TEDC1: variants seen among roughly 807,000 people sequenced by gnomAD.
TEDC1 encodes the protein tubulin epsilon and delta complex protein 1.
In TEDC1, 54 loss-of-function variants were observed where a neutral mutation model predicts 59.9. The ratio of observed to expected loss-of-function variants is 0.90; its 90% CI spans 0.72 to 1.13. The LOEUF (loss-of-function observed/expected upper bound fraction) is 1.13, where lower values mean the gene tolerates loss of function less well. Ranked by LOEUF, TEDC1 falls within the 50% of genes most tolerant of loss-of-function variation. The probability of loss-of-function intolerance (pLI) is 0.00; values close to 1 mark genes in which losing one functional copy is unlikely to be tolerated. For missense variants in TEDC1, 734 were observed against 683.4 expected (o/e 1.07, Z -0.83); for synonymous variants, 353 against 298.1 (o/e 1.18, Z -1.90).
At chr14:105,496,477 C>A in intron 6 of TEDC1, 1 of 220,068 alleles carries the variant, frequency 4.5e-6, no homozygotes, top group Non-Finnish European at 9.1e-6. Flanking sequence ...CAGCCCACTG[C>A]TGGAGCCCCA....
chr14:105,497,224 AG>A (rs1329196868), intron 6 of TEDC1, 132 bp from the exon 7 acceptor site: 6 of 860,950 alleles, frequency 7.0e-6, no homozygotes, highest in Admixed American at 4.4e-5. Flanking sequence ...GGGCGCAGGC[AG>A]GGGAGGGCTG....
At chr14:105,495,377 G>A (rs587691115) in intron 5 of TEDC1, 7 of 156,428 alleles carry the variant, frequency 4.5e-5, no homozygotes, top group Middle Eastern at 3.2e-3. Flanking sequence ...GGTCAGAGGC[G>A]GATGGCCTGG....
At chr14:105,491,814 C>G (rs900446074) in intron 2 of TEDC1, 114 bp downstream of exon 2, 1 of 1,239,526 alleles carries the variant, frequency 8.1e-7, no homozygotes, top group South Asian at 1.4e-5. Flanking sequence ...CCACCCAACA[C>G]TGACCCCGCT....
chr14:105,492,588 C>G lies in TEDC1; in HGVS notation c.439C>G (p.Leu147Val). The change falls in exon 4 of 9, where the codon CTG (leucine) becomes GTG (valine). Residue 147 changes from leucine to valine, a missense_variant. Physicochemically the swap from Leu to Val is conservative, Grantham distance 32. Coordinates refer to ENST00000392523, the MANE Select transcript of TEDC1 (RefSeq NM_001367178.1). ...CCTTGCCCCTCTCCAGTGTGAGGCC[C>G]TGGCCAGCCCTGGCCCACCTGCACC... ...DEMTVCQCEALASPGPPAPHM... is the reference protein window; with the variant it reads ...DEMTVCQCEAVASPGPPAPHM... 1.3e-6 allele frequency: 2 copies of G among 1,539,014 alleles called. No homozygotes were observed. The highest frequency in any genetic ancestry group is 1.4e-5 in the African/African-American group (1 of 73,138).
Position 105,497,814 on chromosome 14 carries a change from C to T in TEDC1, c.995C>T (p.Thr332Ile). The T allele has an allele frequency of 2.5e-6, 4 of 1,569,954 alleles. No individual in the cohort carries two copies. In the South Asian group the frequency reaches 3.5e-5, roughly 14 times the overall value. ...TCTCTGTAGGACACGGTCCTGGGCA[C>T]CTGTGCCCCGGAGGTGCCTGCTGCA... ...FWRWMDTVLG[T>I]CAPEVPAAAS... is the part of the protein sequence containing the mutation. Residue 332 changes from threonine to isoleucine, a missense_variant, in exon 8 of 9, where the codon ACC (threonine) becomes ATC (isoleucine). Coordinates refer to ENST00000392523, the MANE Select transcript of TEDC1 (RefSeq NM_001367178.1).
Position 105,491,660 on chromosome 14 carries a change from G to A in TEDC1, c.186G>A (p.Ser62=). Residue 62 remains serine (S), a synonymous_variant, in exon 2 of 9, where the codon TCG becomes TCA. Transcript: ENST00000392523. ...ALWQLLFRVL[S]PLPAGNALAS... ...GGCAGCTCCTCTTCCGTGTGCTCTC[G>A]CCACTCCCTGCGGGCAACGCCTTGG... 1 of 1,549,544 alleles carries A rather than the reference G, an allele frequency of 6.5e-7. No individual in the cohort carries two copies. Among genetic ancestry groups the A allele is most frequent in the Non-Finnish European group, 8.7e-7 (1 of 1,146,846 alleles).
rs587608317 is a variant in TEDC1, at chr14:105,498,362, C to T, written c.1159-255C>T. Among the ~76,000 whole-genome samples, 47 of 152,338 alleles carry T rather than the reference C, an allele frequency of 3.1e-4. No homozygotes were observed. The Middle Eastern group carries it at 0.01, about 33-fold the overall frequency. ...CCTCCACCCTAGACTCAGAGCTGCCCGCTTAACCTGCGCAGGTTCATGGCT... is the reference window on the plus strand; with the variant it reads ...CCTCCACCCTAGACTCAGAGCTGCCTGCTTAACCTGCGCAGGTTCATGGCT... On this transcript the variant is annotated intron_variant, in intron 8 of 8. Transcript: ENST00000392523.
chr14:105,492,423 T>C, intron 3 of TEDC1, 114 bp downstream of exon 3: 1 of 1,509,722 alleles, frequency 6.6e-7, no homozygotes, highest in Non-Finnish European at 8.9e-7. Flanking sequence ...GGCAGTCCCA[T>C]GAAGGGTTAC....
Position 105,495,786 on chromosome 14 carries a change from C to T in TEDC1, c.685-94C>T. The T allele has an allele frequency of 4.8e-6, 5 of 1,052,166 alleles. No homozygotes were observed. The South Asian group carries it at 8.1e-5, about 17-fold the overall frequency. The allele number at this position is 1,052,166 out of a possible 1,614,324, so 65.2% of individuals were successfully genotyped here. On this transcript the variant is annotated intron_variant, in intron 5 of 8. Coordinates refer to ENST00000392523, the MANE Select transcript of TEDC1 (RefSeq NM_001367178.1). Reference sequence around the variant, plus strand: ...CTGTGGGACCACCCTCTGTGGTGGGCTGGGGGGGCCTGGAAGTGAGGCCCC... The same window carrying T: ...CTGTGGGACCACCCTCTGTGGTGGGTTGGGGGGGCCTGGAAGTGAGGCCCC...
At chr14:105,491,773 C>T (rs1193245468) in intron 2 of TEDC1, 73 bp downstream of exon 2, 3 of 1,462,548 alleles carry the variant, frequency 2.1e-6, no homozygotes, top group Non-Finnish European at 2.8e-6. Flanking sequence ...CCGCCTTCCC[C>T]AGTAAGCCCC....
At chr14:105,497,288 C>T in intron 6 of TEDC1, 69 bp from the exon 7 acceptor site, 1 of 1,448,882 alleles carries the variant, frequency 6.9e-7, no homozygotes, top group East Asian at 2.5e-5. Flanking sequence ...CTGGGTCCAG[C>T]TGTCCATCCG....
chr14:105,494,166 C>G, intron 5 of TEDC1: 5 of 575,502 alleles, frequency 8.7e-6, no homozygotes, highest in Non-Finnish European at 1.6e-5. Flanking sequence ...AGACGTGGCA[C>G]GGGTGGGGGC....
At position 105,499,066 on chromosome 14, in the gene TEDC1, A is replaced by C. The variant is rs1039495690; in HGVS notation, c.*120A>C. On this transcript the variant is annotated 3_prime_UTR_variant, in exon 9 of 9. Coordinates refer to ENST00000392523, the MANE Select transcript of TEDC1 (RefSeq NM_001367178.1). ...ACGATGCAGATGCAGAGCCCACGTC[A>C]CATGCTCGCTCCAGGGGTGGGGCTG... The C allele has an allele frequency of 1.8e-6, 2 of 1,099,622 alleles. No homozygotes were observed. Among genetic ancestry groups the C allele is most frequent in the Non-Finnish European group, 1.3e-6 (1 of 787,732 alleles). 68.1% of individuals were successfully genotyped at this position (1,099,622 alleles called of 1,614,324 possible).
At chr14:105,497,304 C>A in intron 6 of TEDC1, 53 bp from the exon 7 acceptor site, 1 of 1,510,714 alleles carries the variant, frequency 6.6e-7, no homozygotes, top group South Asian at 1.2e-5. Context: ...ATCCGACTGT[C>A]TGTCCATGGG....
upstream of TEDC1, chr14:105,490,940 G>T: frequency 8.1e-7 from 1 of 1,233,274 alleles, no homozygotes; most frequent in Non-Finnish European, 1.2e-6. Flanking sequence ...TGACGATTGA[G>T]CCTGCAAGGG....
intron 5 of TEDC1, 23 bp downstream of exon 5, chr14:105,493,956 G>T (rs201083148): frequency 4.4e-6 from 4 of 899,486 alleles, no homozygotes; most frequent in South Asian, 1.5e-5. Context: ...AAGCTGCTGC[G>T]GGGGGGTGGG....
At chr14:105,495,703 C>T (rs181267488) in intron 5 of TEDC1, 177 bp from the exon 6 acceptor site, 1 of 609,758 alleles carries the variant, frequency 1.6e-6, no homozygotes, top group Admixed American at 3.1e-5. Context: ...CCCTGGGACC[C>T]CTGGGTTGGG....
chr14:105,492,722 C>T lies in TEDC1; in HGVS notation c.573C>T (p.Ala191=). ...TGTCCAGTCAGCAGGAGCAGTGCGCCCTCCTGAGCAAGGTAGAGCTGGCAC... is the reference window on the plus strand; with the variant it reads ...TGTCCAGTCAGCAGGAGCAGTGCGCTCTCCTGAGCAAGGTAGAGCTGGCAC... ...QLVSSQQEQC[A]LLSKIHLYTR... The change falls in exon 4 of 9, where the codon GCC becomes GCT. Residue 191 remains alanine, a synonymous_variant. Transcript: ENST00000392523. 1 of 1,542,912 alleles carries T rather than the reference C, an allele frequency of 6.5e-7. No homozygotes were observed. The highest frequency in any genetic ancestry group is 8.7e-7 in the Non-Finnish European group (1 of 1,146,832).
chr14:105,495,844 C>T (rs782416529), intron 5 of TEDC1, 36 bp from the exon 6 acceptor site: 2 of 1,490,096 alleles, frequency 1.3e-6, no homozygotes, highest in African/African-American at 1.4e-5. Flanking sequence ...CGGCACTGGC[C>T]AGGTGGACTG....
Sources: allele counts gnomAD v4.1 joint callset (sites outside exome capture counted in the v4.1 genomes callset), GRCh38; gene constraint gnomAD v4.1.1; transcripts MANE v1.5; gene names NCBI Gene and HGNC (gene_info 2026-07-23, HGNC 2026-07-21).